The following ADGRB3 variants were observed in gnomAD, a reference collection of about 807,000 sequenced individuals.
ADGRB3 encodes brain-specific angiogenesis inhibitor 3.
ADGRB3 carries 37 observed loss-of-function variants against 193.4 expected under a neutral mutation model. The ratio of observed to expected loss-of-function variants is 0.19; its 90% CI spans 0.15 to 0.25. The LOEUF is 0.25. Ranked by LOEUF, ADGRB3 falls within the 10% of genes least tolerant of loss-of-function variation. ADGRB3 has a pLI of 1.00. For missense variants in ADGRB3, 1,637 were observed against 1,852.9 expected (o/e 0.88, Z 2.14); for synonymous variants, 690 against 644.2 (o/e 1.07, Z -1.08).
intron 3 of ADGRB3, among the ~76,000 whole-genome samples, chr6:68,821,880 A>G (rs1191845999): frequency 2.0e-5 from 3 of 152,000 alleles, no homozygotes; most frequent in African/African-American, 7.2e-5. Flanking sequence ...AATGTGTATT[A>G]TACATAGTAT....
chr6:68,890,371 A>G (rs1012200952), intron 3 of ADGRB3, among the ~76,000 whole-genome samples: 1 of 152,192 alleles, frequency 6.6e-6, no homozygotes, highest in Admixed American at 6.5e-5. Flanking sequence ...AGAGCAATCC[A>G]TCTGAGGGAC....
intron 3 of ADGRB3, among the ~76,000 whole-genome samples, chr6:68,750,808 A>G (rs1766183714): frequency 6.6e-6 from 1 of 152,170 alleles, no homozygotes; most frequent in Non-Finnish European, 1.5e-5. Flanking sequence ...CACATAACCA[A>G]ATATTACAGA....
At chr6:69,387,843 G>A (rs181053126) in intron 31 of ADGRB3, among the ~76,000 whole-genome samples, 4 of 152,068 alleles carry the variant, frequency 2.6e-5, no homozygotes, top group East Asian at 1.9e-4. Context: ...TCAGTTAAAC[G>A]CCAGATTTGG....
At chr6:69,038,144 A>G (rs546509754) in intron 13 of ADGRB3, among the ~76,000 whole-genome samples, 2 of 152,294 alleles carry the variant, frequency 1.3e-5, no homozygotes, top group African/African-American at 2.4e-5. Context: ...TTGTTAAGTT[A>G]TAACAGTTTT....
chr6:68,896,938 A>T (rs559753235), intron 3 of ADGRB3, among the ~76,000 whole-genome samples: 1 of 152,134 alleles, frequency 6.6e-6, no homozygotes, highest in South Asian at 2.1e-4. Flanking sequence ...AAAACCAGTA[A>T]ATCTCTTGGC....
chr6:68,715,053 C>T (rs1413740895), intron 3 of ADGRB3, among the ~76,000 whole-genome samples: 1 of 151,740 alleles, frequency 6.6e-6, no homozygotes, highest in African/African-American at 2.4e-5. Flanking sequence ...TTAAAAATAG[C>T]TTTGATTCAT....
chr6:68,725,130 G>T (rs938483787), intron 3 of ADGRB3, among the ~76,000 whole-genome samples: 3 of 151,628 alleles, frequency 2.0e-5, no homozygotes, highest in Non-Finnish European at 4.4e-5. Context: ...TCATTTTGTA[G>T]CGTGAGCATG....
chr6:69,312,835 TG>T (rs1255070470), intron 20 of ADGRB3, among the ~76,000 whole-genome samples: 10 of 151,892 alleles, frequency 6.6e-5, no homozygotes, highest in Middle Eastern at 3.4e-3. Context: ...ATGTTCCATG[TG>T]TGTTATTCTT....
chr6:69,383,917 A>T (rs1770006418), intron 31 of ADGRB3, among the ~76,000 whole-genome samples: 1 of 151,808 alleles, frequency 6.6e-6, no homozygotes, highest in Non-Finnish European at 1.5e-5. Context: ...AGACATCAAT[A>T]TTTATATTGT....
At chr6:68,742,627 G>A (rs1419463069) in intron 3 of ADGRB3, among the ~76,000 whole-genome samples, 1 of 152,066 alleles carries the variant, frequency 6.6e-6, no homozygotes, top group African/African-American at 2.4e-5. Context: ...TAGATTTTCT[G>A]TGAAGGTTAA....
intron 3 of ADGRB3, among the ~76,000 whole-genome samples, chr6:68,911,813 T>C (rs1277437179): frequency 7.2e-6 from 1 of 138,446 alleles, no homozygotes; most frequent in African/African-American, 2.7e-5. Context: ...GGAAAATTAC[T>C]TTTTTTTTTT....
chr6:69,209,830 G>A (rs187582275), intron 17 of ADGRB3, among the ~76,000 whole-genome samples: 158 of 152,184 alleles, frequency 1.0e-3, no homozygotes, highest in African/African-American at 3.7e-3. Flanking sequence ...CTTGCCTCTC[G>A]ACACGAGGGA....
chr6:68,971,277 A>T (rs1768560568), intron 8 of ADGRB3, among the ~76,000 whole-genome samples: 1 of 152,170 alleles, frequency 6.6e-6, no homozygotes, highest in Non-Finnish European at 1.5e-5. Context: ...ATTTACATTG[A>T]GTTAAATATT....
At chr6:69,378,602 CT>C (rs35962327) in intron 30 of ADGRB3, among the ~76,000 whole-genome samples, 1 of 151,918 alleles carries the variant, frequency 6.6e-6, no homozygotes, top group Non-Finnish European at 1.5e-5. Flanking sequence ...GTTTTATATC[CT>C]TTTTTAAATC....
intron 17 of ADGRB3, among the ~76,000 whole-genome samples, chr6:69,169,038 ATGAATATC>A (rs1365752312): frequency 6.6e-6 from 1 of 152,118 alleles, no homozygotes; most frequent in East Asian, 1.9e-4. Flanking sequence ...CAATGATGTA[ATGAATATC>A]TGCTATTCTA....
chr6:69,104,735 A>G (rs564400226), intron 17 of ADGRB3, among the ~76,000 whole-genome samples: 4 of 152,286 alleles, frequency 2.6e-5, no homozygotes, highest in South Asian at 2.1e-4. Context: ...TATTTGCTCA[A>G]TAATTCAATA....
At chr6:68,802,457 T>C (rs1308621071) in intron 3 of ADGRB3, among the ~76,000 whole-genome samples, 1 of 152,108 alleles carries the variant, frequency 6.6e-6, no homozygotes, top group African/African-American at 2.4e-5. Context: ...GTAGAAGCAA[T>C]AGTTTTGACT....
Position 69,185,904 on chromosome 6 carries a change from CT to C in ADGRB3, c.2481-47379del, listed in dbSNP as rs539528424. ...CAATAAAAAAATCTGTGTATTAAGT[CT>C]TTTTTTAGTAGTATGTATAAGTCAA... is the stretch of plus-strand genomic sequence containing the variant. On this transcript the variant is annotated intron_variant, in intron 17 of 31. Coordinates refer to ENST00000370598, the MANE Select transcript of ADGRB3 (RefSeq NM_001704.3). Among the ~76,000 whole-genome samples the C allele has an allele frequency of 3.2e-4, 48 of 152,000 alleles. No homozygotes were observed. The South Asian group carries it at 9.8e-3, about 31-fold the overall frequency.
chr6:69,338,515 T>A (rs984467272), intron 24 of ADGRB3, among the ~76,000 whole-genome samples: 1 of 152,232 alleles, frequency 6.6e-6, no homozygotes, highest in Non-Finnish European at 1.5e-5. Context: ...TTCACAGATA[T>A]ATATGCCTTC....
Sources: gnomAD v4.1 joint callset for allele counts (sites outside exome capture counted in the v4.1 genomes callset) on GRCh38, gnomAD v4.1.1 for gene constraint, MANE v1.5 for transcripts, NCBI Gene and HGNC (gene_info 2026-07-23, HGNC 2026-07-21) for gene names.